DYSF: variants seen among roughly 807,000 people sequenced by gnomAD.
The protein encoded by DYSF is dystrophy-associated fer-1-like 1.
A neutral mutation model predicts 274.9 loss-of-function variants in DYSF; 212 were observed. That is an observed-to-expected ratio of 0.77 (90% confidence interval 0.69 to 0.86). The LOEUF (loss-of-function observed/expected upper bound fraction) is 0.86. Ranked by LOEUF, DYSF falls within the 40% of genes least tolerant of loss-of-function variation. DYSF has a pLI of 0.00. For synonymous variants in DYSF, 1,091 were observed against 1,078.7 expected (o/e 1.01, Z -0.22); for missense variants, 2,666 against 2,783.2 (o/e 0.96, Z 0.95).
At chr2:71,650,650 C>T (rs1391033740) in intron 42 of DYSF, among the ~76,000 whole-genome samples, 1 of 152,020 alleles carries the variant, frequency 6.6e-6, no homozygotes, top group Non-Finnish European at 1.5e-5. Context: ...TAATAAATTT[C>T]AGAAAGTGAC....
intron 3 of DYSF, among the ~76,000 whole-genome samples, chr2:71,493,849 C>A (rs1475447246): frequency 2.5e-4 from 2 of 7,940 alleles, no homozygotes; most frequent in African/African-American, 4.0e-4. Context: ...GATACTCTGT[C>A]TCAAAAAAAA....
At chr2:71,569,765 G>T in intron 26 of DYSF, 55 bp from the exon 27 acceptor site, 2 of 1,486,702 alleles carry the variant, frequency 1.3e-6, no homozygotes, top group South Asian at 1.2e-5. Flanking sequence ...GGTGGTAGAT[G>T]GATGGGGGCC....
rs757487972 is a variant in DYSF at position 71,669,585 on chromosome 2, C to G, written c.5643-20C>G. ...TGGAAATCTTAATGAGAACTATTCT[C>G]TAAAAACATGTATGTCTAGTTGGAT... On this transcript the variant is annotated intron_variant, in intron 50 of 55. Coordinates refer to ENST00000410020, the MANE Select transcript of DYSF (RefSeq NM_001130987.2). The G allele has an allele frequency of 2.5e-6, 4 of 1,614,030 alleles. No homozygotes were observed. The African/African-American group carries it at 4.0e-5, about 16-fold the overall frequency.
At chr2:71,455,729 T>G (rs1188771079) in intron 1 of DYSF, among the ~76,000 whole-genome samples, 1 of 152,126 alleles carries the variant, frequency 6.6e-6, no homozygotes, top group Non-Finnish European at 1.5e-5. Flanking sequence ...TCTTCCCCAT[T>G]TATAGCCCCT....
intron 41 of DYSF, among the ~76,000 whole-genome samples, chr2:71,638,407 A>G (rs542651674): frequency 9.2e-5 from 14 of 151,628 alleles, no homozygotes; most frequent in South Asian, 2.1e-4. Flanking sequence ...TCCTCACAAT[A>G]ACTGTCAAAT....
At chr2:71,600,950 A>G in intron 34 of DYSF, 108 bp downstream of exon 34, 1 of 1,489,620 alleles carries the variant, frequency 6.7e-7, no homozygotes, top group Non-Finnish European at 9.2e-7. Flanking sequence ...CCTCCTGCTG[A>G]GACCCATTTT....
Position 71,669,674 on chromosome 2 carries a change from C to T in DYSF, c.5712C>T (p.Gly1904=), listed in dbSNP as rs2095084521. ...DVHYRSLGGE[G]NFNWRFIFPF... Reference sequence around the variant, plus strand: ...ATTATCGTTCCCTGGGAGGTGAAGGCAACTTCAACTGGAGGTTCATTTTCC... The same window carrying T: ...ATTATCGTTCCCTGGGAGGTGAAGGTAACTTCAACTGGAGGTTCATTTTCC... The change falls in exon 51 of 56, where the codon GGC becomes GGT. Residue 1904 remains glycine (G), a synonymous_variant. Transcript: ENST00000410020. The T allele has an allele frequency of 1.2e-6, 2 of 1,614,062 alleles. No individual in the cohort carries two copies. The highest frequency in any genetic ancestry group is 1.3e-5 in the African/African-American group (1 of 74,914).
rs778634483 is a variant in DYSF at position 71,549,408 on chromosome 2, T to C, written c.1577-1633T>C. The C allele has an allele frequency of 1.1e-5, 17 of 1,610,010 alleles. No individual in the cohort carries two copies. The highest frequency in any genetic ancestry group is 1.4e-5 in the Non-Finnish European group (16 of 1,177,582). On this transcript the variant is annotated intron_variant, in intron 17 of 55. Transcript: ENST00000410020. ...CCTCAGACTGTACGTTGCTGTCACC[T>C]TGGGGACAACCAGGGGAGTGGGGCC...
At chr2:71,470,741 C>T (rs1365979920) in intron 1 of DYSF, among the ~76,000 whole-genome samples, 2,899 of 29,442 alleles carry the variant, frequency 0.098, 84 homozygotes, top group African/African-American at 0.25. Flanking sequence ...TCCTTCTTTC[C>T]TTCCTTCCTT....
At chr2:71,553,338 TCTC>T in intron 20 of DYSF, 150 bp downstream of exon 20, 1 of 1,154,968 alleles carries the variant, frequency 8.7e-7, no homozygotes, top group African/African-American at 1.5e-5. Context: ...GTCCCCTTGC[TCTC>T]CTCCAGGCAA....
chr2:71,584,369 C>G (rs1185908659), intron 30 of DYSF, among the ~76,000 whole-genome samples: 1 of 152,172 alleles, frequency 6.6e-6, no homozygotes, highest in African/African-American at 2.4e-5. Context: ...AGTTCCAGCA[C>G]CCTCCTTCCC....
At chr2:71,595,385 A>AG (rs540564900) in intron 32 of DYSF, among the ~76,000 whole-genome samples, 127 of 152,278 alleles carry the variant, frequency 8.3e-4, no homozygotes, top group African/African-American at 3.0e-3. Flanking sequence ...ACTAGGAGTC[A>AG]GGGGGTCTAG....
Position 71,679,341 on chromosome 2 carries a change from C to T in DYSF, c.6063+106C>T, listed in dbSNP as rs2095266608. On this transcript the variant is annotated intron_variant, in intron 53 of 55. Transcript: ENST00000410020. ...AAAATACATGCTTACTGTTCCTCCT[C>T]CTTTCTCCCCCTCTCCTGCCCCCAT... The T allele has an allele frequency of 3.5e-6, 4 of 1,130,562 alleles. No homozygotes were observed. The South Asian group carries it at 4.4e-5, about 13-fold the overall frequency. The allele number at this position is 1,130,562 out of a possible 1,614,324, so 70.0% of individuals were successfully genotyped here.
intron 7 of DYSF, among the ~76,000 whole-genome samples, chr2:71,514,907 T>C (rs2152733389): frequency 6.6e-6 from 1 of 151,792 alleles, no homozygotes; most frequent in African/African-American, 2.4e-5. Context: ...ATGAGGAGAT[T>C]AAAAATCACT....
At chr2:71,543,754 C>T (rs1023653814) in intron 17 of DYSF, among the ~76,000 whole-genome samples, 4 of 152,042 alleles carry the variant, frequency 2.6e-5, no homozygotes, top group East Asian at 1.9e-4. Context: ...CGCAGGCACT[C>T]GGCAGGCTGA....
At chr2:71,538,933 G>A (rs1217079547) in intron 16 of DYSF, among the ~76,000 whole-genome samples, 1 of 152,184 alleles carries the variant, frequency 6.6e-6, no homozygotes, top group Non-Finnish European at 1.5e-5. Context: ...TGGTTGGCGA[G>A]ATGAACTAGT....
rs1271157456 is a variant in DYSF, at chr2:71,615,559, T to G, written c.4464+2149T>G. Among the ~76,000 whole-genome samples the G allele has an allele frequency of 6.6e-6, 1 of 152,154 alleles. No individual in the cohort carries two copies. Among genetic ancestry groups the G allele is most frequent in the Non-Finnish European group, 1.5e-5 (1 of 68,008 alleles). The stretch of plus-strand genomic sequence containing the variant: ...AAGCCCCTTTTCTGGTATCTGACTT[T>G]GTTCCATGTTTTTCTCTGAGATCTA... On this transcript the variant is annotated intron_variant, in intron 40 of 55. Coordinates refer to ENST00000410020, the MANE Select transcript of DYSF (RefSeq NM_001130987.2). This position sits in a 1 kb window ranked among gnomAD's most constrained non-coding sequence, Gnocchi z 4.9.
At chr2:71,645,252 A>G (rs1184988578) in intron 42 of DYSF, among the ~76,000 whole-genome samples, 2 of 152,110 alleles carry the variant, frequency 1.3e-5, no homozygotes, top group Non-Finnish European at 2.9e-5. Flanking sequence ...ATTGAGTGCA[A>G]GGTTTTACTG....
chr2:71,469,288 G>T (rs1479526021), intron 1 of DYSF, among the ~76,000 whole-genome samples: 2 of 152,120 alleles, frequency 1.3e-5, no homozygotes, highest in Non-Finnish European at 2.9e-5. Context: ...TGTAGGCTGG[G>T]GGGACTCAAC....
Sources: gnomAD v4.1 joint callset for allele counts (sites outside exome capture counted in the v4.1 genomes callset) on GRCh38, gnomAD v4.1.1 for gene constraint, Gnocchi (gnomAD v3.1) non-coding constraint, MANE v1.5 for transcripts, NCBI Gene and HGNC (gene_info 2026-07-23, HGNC 2026-07-21) for gene names.